NOTCH3: variants seen among roughly 807,000 people sequenced by gnomAD.
NOTCH3 encodes the protein notch receptor 3, also known as neurogenic locus notch homolog protein 3.
In NOTCH3, 86 loss-of-function variants were observed where a neutral mutation model predicts 213.3. The observed-to-expected ratio is 0.40, with a 90% CI of 0.34 to 0.48. The LOEUF (loss-of-function observed/expected upper bound fraction) is 0.48, where lower values mean the gene tolerates loss of function less well. Ranked by LOEUF, NOTCH3 falls within the 20% of genes least tolerant of loss-of-function variation. The pLI, the probability that NOTCH3 is intolerant of heterozygous loss-of-function variation, is 0.57. For synonymous variants in NOTCH3, 1,354 were observed against 1,355.9 expected, an observed-to-expected ratio of 1.00 and a Z score of 0.03; for missense variants, 2,783 against 3,272.6, an observed-to-expected ratio of 0.85 and a Z score of 3.65.
chr19:15,171,521 T>G (rs1226714117), intron 25 of NOTCH3, among the ~76,000 whole-genome samples: 3 of 151,212 alleles, frequency 2.0e-5, no homozygotes, highest in African/African-American at 4.9e-5. Flanking sequence ...GGCTAATTTT[T>G]GGGGGGGGTT....
intron 2 of NOTCH3, 59 bp downstream of exon 2, chr19:15,197,441 G>GGGGGCCC: frequency 1.3e-6 from 1 of 768,362 alleles, no homozygotes; most frequent in Non-Finnish European, 2.3e-6. Flanking sequence ...AAGACAAATC[G>GGGGGCCC]CCCCTCCCCC....
At chr19:15,186,371 GTT>G (rs2046880988) in intron 12 of NOTCH3, among the ~76,000 whole-genome samples, 4 of 117,234 alleles carry the variant, frequency 3.4e-5, no homozygotes, top group African/African-American at 1.3e-4. Context: ...CTTTTTGTTT[GTT>G]TTTGTATGTG....
At chr19:15,170,203 G>A (rs2145399560) in intron 27 of NOTCH3, 33 bp from the exon 28 acceptor site, 1 of 1,536,804 alleles carries the variant, frequency 6.5e-7, no homozygotes, top group Non-Finnish European at 9.0e-7. Context: ...GATGTGAGGG[G>A]GACACTAGAG....
chr19:15,164,883 C>T (rs902824683), intron 31 of NOTCH3, among the ~76,000 whole-genome samples: 9 of 151,894 alleles, frequency 5.9e-5, no homozygotes, highest in Non-Finnish European at 1.0e-4. Flanking sequence ...TGGGCTCAAA[C>T]GACCCTCCCA....
At chr19:15,179,520 C>T (rs747580558) in intron 20 of NOTCH3, 24 bp from the exon 21 acceptor site, 2 of 1,613,082 alleles carry the variant, frequency 1.2e-6, no homozygotes, top group Admixed American at 1.7e-5. Flanking sequence ...AGAGAGGGAC[C>T]CACTCAGCTT....
chr19:15,174,359 C>CCGTCGGCAAAGTGGT lies in NOTCH3; in HGVS notation c.4430_4444dup (p.Asp1477_Asp1481dup). On this transcript the variant is annotated inframe_insertion, in exon 25 of 33. Transcript: ENST00000263388. ...CGTGTTGCAGCCCTGGTCGCAGCGG[C>CCGTCGGCAAAGTGGT]CGTCGGCAAAGTGGTCGGCGCAGTA... 6.5e-7 allele frequency: 1 copy of CCGTCGGCAAAGTGGT among 1,546,058 alleles called. No homozygotes were observed. Among genetic ancestry groups the CCGTCGGCAAAGTGGT allele is most frequent in the Non-Finnish European group, 8.7e-7 (1 of 1,143,546 alleles).
At chr19:15,188,113 G>T in intron 9 of NOTCH3, 119 bp from the exon 10 acceptor site, 1 of 1,064,548 alleles carries the variant, frequency 9.4e-7, no homozygotes, top group Non-Finnish European at 1.4e-6. Context: ...TAACTTCAAT[G>T]TTTCATAACA....
rs779708449 is a variant in NOTCH3, at chr19:15,165,403, G to A, written c.5780C>T (p.Ala1927Val). ...CACAGCATTGACATCAGCATGGCTG[G>A]CGATGAGCTCTTCCACCATGCCCTC... ...AVEGMVEELIASHADVNAVDE... is the reference protein window; with the variant it reads ...AVEGMVEELIVSHADVNAVDE... The change falls in exon 31 of 33, where the codon GCC (alanine) becomes GTC (valine). Residue 1927 changes from alanine to valine, a missense_variant. By Grantham distance (64) the Ala-to-Val change is moderately conservative. Around this residue, in one of 6 missense-constraint regions of NOTCH3, gnomAD observed 636 missense variants for 801.8 expected, o/e 0.79. Coordinates refer to ENST00000263388, the MANE Select transcript of NOTCH3 (RefSeq NM_000435.3). This position sits in a 1 kb window ranked among gnomAD's most constrained non-coding sequence, Gnocchi z 4.7. The A allele has an allele frequency of 2.5e-6, 4 of 1,610,028 alleles. No individual in the cohort carries two copies. The highest frequency in any genetic ancestry group is 1.1e-5 in the South Asian group (1 of 91,086).
intron 24 of NOTCH3, among the ~76,000 whole-genome samples, chr19:15,176,458 G>T (rs544639944): frequency 6.6e-6 from 1 of 151,620 alleles, no homozygotes; most frequent in African/African-American, 2.4e-5. Context: ...CACTGTGCCC[G>T]GCCAATAAAA....
chr19:15,176,926 G>A (rs1471364426), intron 24 of NOTCH3, among the ~76,000 whole-genome samples: 1 of 150,322 alleles, frequency 6.7e-6, no homozygotes, highest in African/African-American at 2.5e-5. Context: ...CAAAAAAAAA[G>A]CCAGGCGTGG....
In NOTCH3 at chr19:15,180,144, C is replaced by A. The variant is rs1259116989; in HGVS notation, c.3255G>T (p.Val1085=). 5 of 1,613,108 alleles carry A rather than the reference C, an allele frequency of 3.1e-6. No homozygotes were observed. The highest frequency in any genetic ancestry group is 4.2e-6 in the Non-Finnish European group (5 of 1,179,582). Residue 1085 remains valine (V), a synonymous_variant, in exon 20 of 33, where the codon GTG becomes GTT. Coordinates refer to ENST00000263388, the MANE Select transcript of NOTCH3 (RefSeq NM_000435.3). Reference sequence around the variant, plus strand: ...GGCAGGGCTGGGCCAAGCAGGGGTCCACCTCCTGCTCACAGTGGCTACCAG... The same window carrying A: ...GGCAGGGCTGGGCCAAGCAGGGGTCAACCTCCTGCTCACAGTGGCTACCAG... ...GRTGSHCEQE[V]DPCLAQPCQH...
chr19:15,161,594 C>T lies in NOTCH3; in HGVS notation c.6034G>A (p.Ala2012Thr), dbSNP rs2145383625. The stretch of plus-strand genomic sequence containing the variant: ...ATGTCCTGGTGCAGTCTCTCCTGGG[C>T]TACGTCCCGCGGCAGCCTGTCCAGG... ...DHLDRLPRDV[A>T]QERLHQDIVR... is the part of the protein sequence containing the mutation. Residue 2012 changes from alanine to threonine, a missense_variant, in exon 33 of 33, where the codon GCC becomes ACC. Transcript: ENST00000263388. 1 of 1,611,872 alleles carries T rather than the reference C, an allele frequency of 6.2e-7. No individual in the cohort carries two copies. Among genetic ancestry groups the T allele is most frequent in the Non-Finnish European group, 8.5e-7 (1 of 1,179,186 alleles).
intron 1 of NOTCH3, 116 bp downstream of exon 1, chr19:15,200,672 C>T (rs1357193501): frequency 3.8e-6 from 3 of 791,960 alleles, no homozygotes; most frequent in Non-Finnish European, 4.9e-6. Flanking sequence ...GGCTCCTGCG[C>T]CCCTTCCCCG....
At chr19:15,180,897 T>C in intron 18 of NOTCH3, 64 bp downstream of exon 18, 1 of 1,595,168 alleles carries the variant, frequency 6.3e-7, no homozygotes, top group Admixed American at 1.8e-5. Context: ...GTGCCCCGAC[T>C]TGGCTTCTCC....
chr19:15,166,403 A>G (rs1421568500), intron 29 of NOTCH3, among the ~76,000 whole-genome samples: 1 of 123,476 alleles, frequency 8.1e-6, no homozygotes, highest in Non-Finnish European at 1.5e-5. Flanking sequence ...GTTGTACCCC[A>G]GAGTTCTAAT....
chr19:15,164,279 C>T (rs1397362725), intron 31 of NOTCH3, among the ~76,000 whole-genome samples: 1 of 152,012 alleles, frequency 6.6e-6, no homozygotes, highest in African/African-American at 2.4e-5. Context: ...GTGGCTCATG[C>T]CTATAACCCC....
At chr19:15,162,773 T>TTGTG (rs770008525) in intron 31 of NOTCH3, among the ~76,000 whole-genome samples, 2 of 5,252 alleles carry the variant, frequency 3.8e-4, no homozygotes, top group African/African-American at 8.4e-4. Flanking sequence ...GTGTGTGTGT[T>TTGTG]TGTGTGTGTG....
Position 15,178,869 on chromosome 19 carries a change from C to T in NOTCH3, c.3791G>A (p.Ser1264Asn). Residue 1264 changes from serine to asparagine, a missense_variant, in exon 23 of 33, where the codon AGC (serine) becomes AAC (asparagine). By Grantham distance (46) the Ser-to-Asn change is conservative. This residue lies in a region of NOTCH3 where 861 missense variants were observed against 909.1 expected (regional missense o/e 0.95). Coordinates refer to ENST00000263388, the MANE Select transcript of NOTCH3 (RefSeq NM_000435.3). ...GGTCAGCCCACCCCCAGGACCCGGG[C>T]TAGGACGGCACTGGCCTCCATGCTG... ...PCQHGGQCRP[S>N]PGPGGGLTFT... 6.2e-7 allele frequency: 1 copy of T among 1,608,974 alleles called. No homozygotes were observed. Among genetic ancestry groups the T allele is most frequent in the Non-Finnish European group, 8.5e-7 (1 of 1,177,786 alleles).
In NOTCH3 at chr19:15,160,025, G is replaced by A. The variant is rs558109739; in HGVS notation, c.*637C>T. On this transcript the variant is annotated 3_prime_UTR_variant, in exon 33 of 33. Coordinates refer to ENST00000263388, the MANE Select transcript of NOTCH3 (RefSeq NM_000435.3). ...GAATGCAGTGAAGTGAGGGAGGTGG[G>A]GTGGGGAGGAGGCTCCCAACACTCC... 8.5e-6 allele frequency: 2 copies of A among 234,060 alleles called. No individual in the cohort carries two copies. Among genetic ancestry groups the A allele is most frequent in the South Asian group, 3.6e-4 (2 of 5,532 alleles). 14.5% of individuals were successfully genotyped at this position (234,060 alleles called of 1,614,324 possible). A position where few individuals can be genotyped will look rare whatever the true frequency, so the allele number is the denominator to read the frequency against.
Sources: gnomAD v4.1 joint callset for allele counts (sites outside exome capture counted in the v4.1 genomes callset) on GRCh38, gnomAD v4.1.1 for gene constraint, gnomAD v4.1.1 regional missense constraint, Gnocchi (gnomAD v3.1) non-coding constraint, MANE v1.5 for transcripts, NCBI Gene and HGNC (gene_info 2026-07-23, HGNC 2026-07-21) for gene names.